Variants in PGM2 observed in about 807,000 individuals in gnomAD.
PGM2 encodes phosphopentomutase.
A neutral mutation model predicts 74.6 loss-of-function variants in PGM2; 57 were observed. The observed-to-expected ratio is 0.76, with a 90% CI of 0.62 to 0.95. The LOEUF is 0.95. Among genes scored for constraint, PGM2 ranks in the 40% least tolerant of loss-of-function variants. The pLI, the probability that PGM2 is intolerant of heterozygous loss-of-function variation, is 0.00. For missense variants in PGM2, 706 were observed against 741.9 expected, an observed-to-expected ratio of 0.95 and a Z score of 0.56; for synonymous variants, 273 against 260.7, an observed-to-expected ratio of 1.05 and a Z score of -0.46.
chr4:37,841,194 T>G (rs933310797), intron 6 of PGM2, among the ~76,000 whole-genome samples: 1 of 42,264 alleles, frequency 2.4e-5, no homozygotes, highest in African/African-American at 1.9e-4. Flanking sequence ...GTGTGGTTTG[T>G]TCTGTGCACT....
chr4:37,839,824 T>A, intron 4 of PGM2, 24 bp from the exon 5 acceptor site: 1 of 1,396,980 alleles, frequency 7.2e-7, no homozygotes, highest in Non-Finnish European at 1.0e-6. Flanking sequence ...AAACTGTTTG[T>A]TCTTGTTTCC....
intron 6 of PGM2, among the ~76,000 whole-genome samples, chr4:37,843,696 A>G (rs1725791938): frequency 6.7e-6 from 1 of 150,366 alleles, no homozygotes; most frequent in Admixed American, 6.7e-5. Flanking sequence ...TGCAACCTCC[A>G]CCTCCCAGGT....
intron 13 of PGM2, 117 bp downstream of exon 13, chr4:37,855,858 G>A: frequency 1.1e-6 from 1 of 871,532 alleles, no homozygotes; most frequent in South Asian, 2.3e-5. Flanking sequence ...TAGAAATGCT[G>A]TTTCAGAACC....
In PGM2 at chr4:37,830,062, T is replaced by G. The variant is rs1725399622; in HGVS notation, c.180T>G (p.Ala60=). The G allele has an allele frequency of 6.2e-7, 1 of 1,608,486 alleles. No individual in the cohort carries two copies. The highest frequency in any genetic ancestry group is 1.7e-5 in the Admixed American group (1 of 58,850). Residue 60 remains alanine, a synonymous_variant, in exon 2 of 14, where the codon GCT becomes GCG. Transcript: ENST00000381967. The part of the protein sequence containing the change: ...CFGARMEFGT[A]GLRAAMGPGI... ...GGGCCCGAATGGAGTTTGGGACAGC[T>G]GGCCTCCGAGCTGCTATGGGACCTG...
chr4:37,832,905 A>G lies in PGM2; in HGVS notation c.250-1713A>G, dbSNP rs1214207293. 3.9e-5 allele frequency among the ~76,000 whole-genome samples: 6 copies of G among 152,280 alleles called. No individual in the cohort carries two copies. The South Asian group carries it at 1.0e-3, about 26-fold the overall frequency. On this transcript the variant is annotated intron_variant, in intron 2 of 13. Transcript: ENST00000381967. ...TCTTCCCCCACTGAGTCTTTCATCT[A>G]GAATAAGAATTCCCTTTTCCCTTGG...
chr4:37,834,358 T>C (rs1442479536), intron 2 of PGM2, among the ~76,000 whole-genome samples: 1 of 151,932 alleles, frequency 6.6e-6, no homozygotes, highest in Non-Finnish European at 1.5e-5. Context: ...AAAAATTTCC[T>C]AACAAAGTTG....
intron 3 of PGM2, 37 bp downstream of exon 3, chr4:37,834,761 T>C (rs1246882640): frequency 9.7e-7 from 1 of 1,026,298 alleles, no homozygotes; most frequent in East Asian, 2.4e-5. Context: ...GTTTTTATAA[T>C]TTATTTTGCA....
intron 12 of PGM2, among the ~76,000 whole-genome samples, chr4:37,854,629 A>G (rs973930266): frequency 6.6e-6 from 1 of 151,920 alleles, no homozygotes; most frequent in Non-Finnish European, 1.5e-5. Flanking sequence ...AAGTGCTGGT[A>G]TTACAGGCAT....
At chr4:37,847,808 C>T (rs1375408378) in intron 10 of PGM2, among the ~76,000 whole-genome samples, 1 of 152,184 alleles carries the variant, frequency 6.6e-6, no homozygotes, top group Admixed American at 6.5e-5. Flanking sequence ...TATAAATGAA[C>T]AGAAAGGAGA....
At position 37,837,057 on chromosome 4, in the gene PGM2, G is replaced by T. The variant is rs1725586760; in HGVS notation, c.357-472G>T. Among the ~76,000 whole-genome samples the T allele has an allele frequency of 1.3e-5, 2 of 152,202 alleles. 1 individual carries two copies. The highest frequency in any genetic ancestry group is 2.9e-5 in the Non-Finnish European group (2 of 68,038). ...TGGATGATCTTTTGTTGTGGTTGTA[G>T]GGTACATTGTAAGGTGTTCAGCAGC... On this transcript the variant is annotated intron_variant, in intron 3 of 13. Coordinates refer to ENST00000381967, the MANE Select transcript of PGM2 (RefSeq NM_018290.4).
At chr4:37,845,588 T>C (rs774330990) in intron 7 of PGM2, 45 bp from the exon 8 acceptor site, 1 of 1,301,508 alleles carries the variant, frequency 7.7e-7, no homozygotes, top group Admixed American at 1.7e-5. Context: ...TATCATATGC[T>C]CGATTCTTGA....
intron 6 of PGM2, among the ~76,000 whole-genome samples, chr4:37,841,658 A>C (rs894783719): frequency 2.0e-5 from 3 of 152,138 alleles, no homozygotes; most frequent in Non-Finnish European, 4.4e-5. Context: ...CCTAATTCCT[A>C]CGTGTTGGAC....
intron 4 of PGM2, 44 bp from the exon 5 acceptor site, chr4:37,839,803 AT>A (rs771470618): frequency 9.3e-7 from 1 of 1,078,388 alleles, no homozygotes; most frequent in Non-Finnish European, 1.4e-6. Flanking sequence ...ATATCTGGTT[AT>A]TTTCGTTAAA....
intron 3 of PGM2, among the ~76,000 whole-genome samples, chr4:37,836,753 AT>A (rs1725577155): frequency 6.6e-6 from 1 of 152,082 alleles, no homozygotes; most frequent in African/African-American, 2.4e-5. Context: ...ATTTGATGCC[AT>A]TTTCTGCGTC....
At chr4:37,859,396 G>T (rs953737629) in intron 13 of PGM2, among the ~76,000 whole-genome samples, 6 of 152,122 alleles carry the variant, frequency 3.9e-5, no homozygotes. Context: ...TGATTGTAGG[G>T]GCCAGCTCGG....
chr4:37,850,405 C>A (rs1336765816), intron 12 of PGM2, 32 bp downstream of exon 12: 11 of 1,203,672 alleles, frequency 9.1e-6, no homozygotes, highest in Non-Finnish European at 1.3e-5. Context: ...CAACTAACCT[C>A]TTTTCTATTT....
chr4:37,841,814 TTGAG>T (rs1478292072), intron 6 of PGM2, among the ~76,000 whole-genome samples: 1 of 152,242 alleles, frequency 6.6e-6, no homozygotes, highest in Non-Finnish European at 1.5e-5. Flanking sequence ...GCACAGTTGC[TTGAG>T]TATGTGTGTG....
chr4:37,845,844 C>T, intron 8 of PGM2, 114 bp downstream of exon 8: 1 of 711,158 alleles, frequency 1.4e-6, no homozygotes. Context: ...ATTTATTTTG[C>T]AAATGATCAT....
chr4:37,827,987 A>G (rs1725342926), intron 1 of PGM2, among the ~76,000 whole-genome samples: 1 of 152,228 alleles, frequency 6.6e-6, no homozygotes, highest in Non-Finnish European at 1.5e-5. Context: ...GACACATAGT[A>G]GGTCACTGAA....
Sources: gnomAD v4.1 joint callset for allele counts (sites outside exome capture counted in the v4.1 genomes callset) on GRCh38, gnomAD v4.1.1 for gene constraint, MANE v1.5 for transcripts, NCBI Gene and HGNC (gene_info 2026-07-23, HGNC 2026-07-21) for gene names.